Variants in ADAMTSL1 observed in about 807,000 individuals in gnomAD.
ADAMTSL1 encodes the protein ADAMTS like 1.
ADAMTSL1 carries 126 observed loss-of-function variants against 201.8 expected under a neutral mutation model. The ratio of observed to expected loss-of-function variants is 0.62; its 90% CI spans 0.54 to 0.72. The LOEUF (loss-of-function observed/expected upper bound fraction) is 0.72, where lower values mean the gene tolerates loss of function less well. Among genes scored for constraint, ADAMTSL1 ranks in the 30% least tolerant of loss-of-function variants. ADAMTSL1 has a pLI of 0.00. For synonymous variants in ADAMTSL1, 1,121 were observed against 903.4 expected, an observed-to-expected ratio of 1.24 and a Z score of -4.32; for missense variants, 2,679 against 2,277.8, an observed-to-expected ratio of 1.18 and a Z score of -3.59.
chr9:18,004,877 T>C (rs1819751192), intron 1 of ADAMTSL1, among the ~76,000 whole-genome samples: 1 of 152,102 alleles, frequency 6.6e-6, no homozygotes, highest in African/African-American at 2.4e-5. Context: ...AGTGAAGACG[T>C]ACCAAATGTA....
At chr9:18,054,525 T>C (rs1473348146) in intron 1 of ADAMTSL1, among the ~76,000 whole-genome samples, 1 of 152,236 alleles carries the variant, frequency 6.6e-6, no homozygotes, top group East Asian at 1.9e-4. Context: ...TACTAACATT[T>C]ATTTAAGTCT....
chr9:18,519,186 C>T (rs762102711), intron 2 of ADAMTSL1, among the ~76,000 whole-genome samples: 1 of 152,164 alleles, frequency 6.6e-6, no homozygotes, highest in Non-Finnish European at 1.5e-5. Context: ...GCTGTGTTAT[C>T]GTTATTCATA....
chr9:18,446,542 A>G (rs903487965), intron 2 of ADAMTSL1, among the ~76,000 whole-genome samples: 2 of 152,266 alleles, frequency 1.3e-5, no homozygotes, highest in Non-Finnish European at 2.9e-5. Flanking sequence ...TTGGGCTGAC[A>G]TGTTTATTGT....
intron 9 of ADAMTSL1, among the ~76,000 whole-genome samples, chr9:18,670,656 A>G (rs1298635709): frequency 2.0e-5 from 3 of 152,206 alleles, no homozygotes; most frequent in African/African-American, 7.2e-5. Context: ...TGGTTGCATT[A>G]CTTGCCTTTG....
chr9:18,321,461 C>A (rs904838192), intron 2 of ADAMTSL1, among the ~76,000 whole-genome samples: 2 of 152,184 alleles, frequency 1.3e-5, no homozygotes, highest in East Asian at 3.8e-4. Flanking sequence ...TCACCTTGAC[C>A]TGATTAACAT....
In ADAMTSL1 at chr9:18,409,052, T is replaced by G. The variant is rs111904980; in HGVS notation, c.208-95777T>G. 3.8e-3 allele frequency among the ~76,000 whole-genome samples: 585 copies of G among 152,200 alleles called. 5 individuals carry two copies. Among genetic ancestry groups the G allele is most frequent in the African/African-American group, 0.013 (559 of 41,538 alleles). On this transcript the variant is annotated intron_variant, in intron 2 of 29. Coordinates refer to the ADAMTSL1 transcript ENST00000680146. ...AAATTAGAACTATAAGGAATATTAT[T>G]GATCATGTAATCTGTGAATCTATTT...
At chr9:18,793,869 G>C (rs192884661) in intron 19 of ADAMTSL1, among the ~76,000 whole-genome samples, 241 of 152,218 alleles carry the variant, frequency 1.6e-3, no homozygotes, top group Middle Eastern at 6.8e-3. Flanking sequence ...CAAGACATCA[G>C]GTTCAAGTGA....
At chr9:18,170,126 A>T (rs1278821440) in intron 2 of ADAMTSL1, among the ~76,000 whole-genome samples, 2 of 152,058 alleles carry the variant, frequency 1.3e-5, no homozygotes, top group Non-Finnish European at 2.9e-5. Context: ...GTATTTTACA[A>T]GACTTACCCA....
intron 23 of ADAMTSL1, among the ~76,000 whole-genome samples, chr9:18,876,333 T>TGTGTGTGTGA (rs1340134785): frequency 1.3e-5 from 2 of 151,592 alleles, no homozygotes; most frequent in African/African-American, 4.8e-5. Flanking sequence ...TGTGTGTGCG[T>TGTGTGTGTGA]GATTGTTTTA....
intron 1 of ADAMTSL1, among the ~76,000 whole-genome samples, chr9:18,103,004 C>T (rs1410294892): frequency 1.3e-5 from 2 of 152,124 alleles, no homozygotes; most frequent in Non-Finnish European, 2.9e-5. Context: ...GCCCTTGACT[C>T]TTAGTATTCT....
intron 3 of ADAMTSL1, among the ~76,000 whole-genome samples, chr9:18,567,789 A>G (rs958687543): frequency 3.3e-5 from 5 of 152,190 alleles, no homozygotes; most frequent in Admixed American, 1.3e-4. Flanking sequence ...AAATATAGAT[A>G]ATTTCTCATA....
At chr9:18,839,455 C>G in intron 23 of ADAMTSL1, among the ~76,000 whole-genome samples, 1 of 152,084 alleles carries the variant, frequency 6.6e-6, no homozygotes. Flanking sequence ...TGGCTTGGTT[C>G]CATGTCTTTG....
At chr9:18,817,259 G>A (rs1008535929) in intron 21 of ADAMTSL1, 22 bp downstream of exon 21, 2 of 1,549,476 alleles carry the variant, frequency 1.3e-6, no homozygotes, top group Non-Finnish European at 1.7e-6. Flanking sequence ...ATGTTCATTT[G>A]TTCACACGTT....
chr9:18,206,454 C>A (rs574400079), intron 2 of ADAMTSL1, among the ~76,000 whole-genome samples: 1 of 152,136 alleles, frequency 6.6e-6, no homozygotes, highest in East Asian at 1.9e-4. Context: ...CAGCAAAAAC[C>A]TTCTTTTTTG....
intron 4 of ADAMTSL1, among the ~76,000 whole-genome samples, chr9:18,580,463 A>C (rs575715327): frequency 6.6e-6 from 1 of 152,164 alleles, no homozygotes; most frequent in Non-Finnish European, 1.5e-5. Context: ...TTTCTTCTGT[A>C]CTTTATAATC....
intron 3 of ADAMTSL1, among the ~76,000 whole-genome samples, chr9:18,557,356 G>T (rs1322591783): frequency 6.6e-6 from 1 of 151,952 alleles, no homozygotes. Context: ...CTTTCTCTCA[G>T]GTGAGAACCA....
At chr9:18,595,130 G>A (rs1024142505) in intron 4 of ADAMTSL1, among the ~76,000 whole-genome samples, 2 of 152,138 alleles carry the variant, frequency 1.3e-5, no homozygotes, top group Non-Finnish European at 1.5e-5. Flanking sequence ...TCCAAGGAGA[G>A]TAATAGGGCT....
chr9:18,385,195 G>C (rs1837742214), intron 2 of ADAMTSL1, among the ~76,000 whole-genome samples: 1 of 152,112 alleles, frequency 6.6e-6, no homozygotes, highest in Non-Finnish European at 1.5e-5. Flanking sequence ...TAGAAAATCT[G>C]ATCCACCAAC....
chr9:18,708,131 T>C (rs889622325), intron 14 of ADAMTSL1, among the ~76,000 whole-genome samples: 1 of 152,190 alleles, frequency 6.6e-6, no homozygotes, highest in African/African-American at 2.4e-5. Context: ...TAAAATGATT[T>C]CCCAAAACTG....
Sources: gnomAD v4.1 joint callset for allele counts (sites outside exome capture counted in the v4.1 genomes callset) on GRCh38, gnomAD v4.1.1 for gene constraint, MANE v1.5 for transcripts, NCBI Gene and HGNC (gene_info 2026-07-23, HGNC 2026-07-21) for gene names.